The following KIFC3 variants were observed in gnomAD, a reference collection of about 807,000 sequenced individuals.
KIFC3 encodes the protein kinesin-like protein KIFC3.
In KIFC3, 60 loss-of-function variants were observed where a neutral mutation model predicts 101.8. The observed-to-expected ratio is 0.59, with a 90% CI of 0.48 to 0.73. The LOEUF (loss-of-function observed/expected upper bound fraction) is 0.73. KIFC3 is among the 30% of genes least tolerant of loss of function. KIFC3 has a pLI of 0.00. For missense variants in KIFC3, 966 were observed against 1,137.1 expected, an observed-to-expected ratio of 0.85 and a Z score of 2.16; for synonymous variants, 476 against 482.7, an observed-to-expected ratio of 0.99 and a Z score of 0.18.
At chr16:57,792,350 C>T (rs1279696335) in intron 3 of KIFC3, among the ~76,000 whole-genome samples, 3 of 152,218 alleles carry the variant, frequency 2.0e-5, no homozygotes, top group Non-Finnish European at 4.4e-5. Context: ...CTGCTAGACT[C>T]TCTTGTCTCT....
chr16:57,830,620 A>G (rs2055562301), intron 1 of KIFC3: 2 of 152,186 alleles, frequency 1.3e-5, no homozygotes, highest in African/African-American at 2.4e-5. Flanking sequence ...CAATTTTAGT[A>G]TATGTACTGC....
chr16:57,834,528 T>G (rs1273193543), intron 1 of KIFC3, among the ~76,000 whole-genome samples: 1 of 152,176 alleles, frequency 6.6e-6, no homozygotes, highest in Non-Finnish European at 1.5e-5. Flanking sequence ...TTATTATTTT[T>G]AGAGACAGGT....
At chr16:57,811,821 C>T (rs917579663) in intron 1 of KIFC3, among the ~76,000 whole-genome samples, 8 of 149,836 alleles carry the variant, frequency 5.3e-5, no homozygotes, top group South Asian at 2.1e-4. Context: ...GAGGCTGAGG[C>T]GGAGAATCAC....
chr16:57,764,863 A>C (rs1485679205), intron 11 of KIFC3, among the ~76,000 whole-genome samples: 5 of 145,694 alleles, frequency 3.4e-5, no homozygotes, highest in African/African-American at 1.3e-4. Context: ...GAGGGGCCTG[A>C]AAGTGGGTGA....
chr16:57,852,391 C>T (rs189268687), intron 1 of KIFC3, among the ~76,000 whole-genome samples: 5 of 152,250 alleles, frequency 3.3e-5, no homozygotes, highest in Admixed American at 3.3e-4. Flanking sequence ...AGCTGTAACC[C>T]TGGCTGCCAA....
At chr16:57,786,946 G>C (rs1429770232) in intron 3 of KIFC3, among the ~76,000 whole-genome samples, 6 of 152,230 alleles carry the variant, frequency 3.9e-5, no homozygotes, top group Non-Finnish European at 8.8e-5. Context: ...GCACAGGTCG[G>C]CTCTTCCCTC....
chr16:57,769,921 T>C lies in KIFC3; in HGVS notation c.974A>G (p.His325Arg), dbSNP rs782758792. The change falls in exon 8 of 20, where the codon CAT becomes CGT. Residue 325 changes from histidine to arginine, a missense_variant. Transcript: ENST00000445690. The surrounding 1 kb of genome is among the most constrained non-coding windows in gnomAD (Gnocchi z 4.3). Reference protein sequence around the residue: ...AMYESELERAHGQMLEEMQSL... With the variant: ...AMYESELERARGQMLEEMQSL... The stretch of plus-strand genomic sequence containing the variant: ...CTGCATCTCCTCCAGCATCTGCCCA[T>C]GGGCCCGCTCCAGCTCTGACTCGTA... The C allele has an allele frequency of 6.2e-7, 1 of 1,613,654 alleles. No individual in the cohort carries two copies. The highest frequency in any genetic ancestry group is 1.1e-5 in the South Asian group (1 of 91,082).
intron 1 of KIFC3, among the ~76,000 whole-genome samples, chr16:57,812,066 C>T (rs1285339666): frequency 3.5e-5 from 5 of 142,624 alleles, no homozygotes; most frequent in East Asian, 2.2e-4. Flanking sequence ...TTTTTTGAGA[C>T]GGAGTCTCGC....
In KIFC3 at chr16:57,802,069, G is replaced by A. The variant is rs533968562; in HGVS notation, c.-40+301C>T. ...CGGCGCCGATTGACAAGCCCATCCC[G>A]GGTAGGGTCTGCGCTCTTCTCGTTC... On this transcript the variant is annotated intron_variant, in intron 1 of 19. Transcript: ENST00000445690. The surrounding 1 kb of genome is among the most constrained non-coding windows in gnomAD (Gnocchi z 5.0). 3.9e-5 allele frequency among the ~76,000 whole-genome samples: 6 copies of A among 152,352 alleles called. No individual in the cohort carries two copies. In the South Asian group the frequency reaches 1.2e-3, roughly 32 times the overall value.
At position 57,797,941 on chromosome 16, in the gene KIFC3, G is replaced by C. The variant is rs1555623713; in HGVS notation, c.172+131C>G. 3.9e-6 allele frequency: 6 copies of C among 1,533,764 alleles called. No homozygotes were observed. The African/African-American group carries it at 5.5e-5, about 14-fold the overall frequency. On this transcript the variant is annotated intron_variant, in intron 2 of 19. Transcript: ENST00000445690. ...CCGGCTCCACGCCCGCCTGGCTCTGGGCTGTCGGTTACCCTGTAATTACCT... is the reference window on the plus strand; with the variant it reads ...CCGGCTCCACGCCCGCCTGGCTCTGCGCTGTCGGTTACCCTGTAATTACCT...
At position 57,758,793 on chromosome 16, in the gene KIFC3, T is replaced by A; in HGVS notation, c.*141A>T. ...GGGGAGACGGGGCAGAAGAAGAGCCTCCACTCTCGCCTCTACCTCCGGGGG... is the reference window on the plus strand; with the variant it reads ...GGGGAGACGGGGCAGAAGAAGAGCCACCACTCTCGCCTCTACCTCCGGGGG... On this transcript the variant is annotated 3_prime_UTR_variant, in exon 20 of 20. Coordinates refer to ENST00000445690, the MANE Select transcript of KIFC3 (RefSeq NM_001130100.2). The A allele has an allele frequency of 7.6e-7, 1 of 1,311,048 alleles. No individual in the cohort carries two copies. Among genetic ancestry groups the A allele is most frequent in the Non-Finnish European group, 1.1e-6 (1 of 910,894 alleles). The allele number at this position is 1,311,048 out of a possible 1,614,324, so 81.2% of individuals were successfully genotyped here.
upstream of KIFC3, among the ~76,000 whole-genome samples, chr16:57,806,916 C>T (rs1176900812): frequency 1.3e-5 from 2 of 152,176 alleles, no homozygotes; most frequent in Non-Finnish European, 2.9e-5. Flanking sequence ...TCATGAGCAC[C>T]GCAGAAAGAA....
intron 1 of KIFC3, among the ~76,000 whole-genome samples, chr16:57,824,101 C>G (rs2055411646): frequency 6.6e-6 from 1 of 152,188 alleles, no homozygotes; most frequent in African/African-American, 2.4e-5. Context: ...TCCAGGTTTG[C>G]CTGGGGTTGT....
rs566480152 is a variant in KIFC3, at chr16:57,815,682, C to T, written c.109-17400G>A. ...GGGTATTCCTGCTAAACACTCCACT[C>T]GGGGCCTGGGAGAAGGGGAGCAAAT... On this transcript the variant is annotated intron_variant, in intron 1 of 2. Transcript: ENST00000563028. 5.5e-6 allele frequency: 7 copies of T among 1,275,094 alleles called. No individual in the cohort carries two copies. The African/African-American group carries it at 6.1e-5, about 11-fold the overall frequency. The allele number at this position is 1,275,094 out of a possible 1,614,324, so 79.0% of individuals were successfully genotyped here.
At chr16:57,838,097 C>T (rs1474239487) in intron 1 of KIFC3, among the ~76,000 whole-genome samples, 2 of 152,160 alleles carry the variant, frequency 1.3e-5, no homozygotes, top group Non-Finnish European at 2.9e-5. Flanking sequence ...GCAGAATCAC[C>T]TTTCATCTTC....
upstream of KIFC3, chr16:57,803,490 T>C (rs376931578): frequency 9.1e-4 from 391 of 430,248 alleles, 10 homozygotes; most frequent in South Asian, 6.4e-3. Flanking sequence ...TGTCCCTTCC[T>C]GCTTGTCAGG....
intron 1 of KIFC3, among the ~76,000 whole-genome samples, chr16:57,809,327 G>A (rs988923886): frequency 1.3e-5 from 2 of 152,064 alleles, no homozygotes; most frequent in African/African-American, 2.4e-5. Context: ...TTGGGGTCTC[G>A]CTCTCTCACC....
At chr16:57,833,956 G>A (rs537937859) in intron 1 of KIFC3, among the ~76,000 whole-genome samples, 193 of 145,548 alleles carry the variant, frequency 1.3e-3, no homozygotes, top group African/African-American at 4.3e-3. Flanking sequence ...TCTGCCTCCC[G>A]GGTTCAAGCA....
Position 57,769,465 on chromosome 16 carries a change from T to TG in KIFC3, c.1218+129dup. On this transcript the variant is annotated intron_variant, in intron 9 of 19. Transcript: ENST00000445690. This position sits in a 1 kb window ranked among gnomAD's most constrained non-coding sequence, Gnocchi z 4.3. ...CCTATAAGGGCAGCAGTAAGTGTCA[T>TG]GGGGGGTGGGGCAGGGGCTGCTGTC... 7 of 1,163,308 alleles carry TG rather than the reference T, an allele frequency of 6.0e-6. No homozygotes were observed. Among genetic ancestry groups the TG allele is most frequent in the Non-Finnish European group, 8.4e-6 (7 of 836,118 alleles). 72.1% of individuals were successfully genotyped at this position (1,163,308 alleles called of 1,614,324 possible).
Sources: gnomAD v4.1 joint callset for allele counts (sites outside exome capture counted in the v4.1 genomes callset) on GRCh38, gnomAD v4.1.1 for gene constraint, Gnocchi (gnomAD v3.1) non-coding constraint, MANE v1.5 for transcripts, NCBI Gene and HGNC (gene_info 2026-07-23, HGNC 2026-07-21) for gene names.